GTPBP4: variants seen among roughly 807,000 people sequenced by gnomAD.
GTPBP4 encodes GTP-binding protein 4.
GTPBP4 carries 15 observed loss-of-function variants against 81.7 expected under a neutral mutation model. That is an observed-to-expected ratio of 0.18 (90% CI 0.12 to 0.28). The LOEUF is 0.28. Ranked by LOEUF, GTPBP4 falls within the 10% of genes least tolerant of loss-of-function variation. The pLI, the probability that GTPBP4 is intolerant of heterozygous loss-of-function variation, is 1.00. For missense variants in GTPBP4, 847 were observed against 793.8 expected, an observed-to-expected ratio of 1.07 and a Z score of -0.81; for synonymous variants, 272 against 274.6, an observed-to-expected ratio of 0.99 and a Z score of 0.09.
rs758822834 is a variant in GTPBP4 at position 988,478 on chromosome 10, G to A, written c.-2G>A. The A allele has an allele frequency of 7.4e-6, 12 of 1,612,798 alleles. No homozygotes were observed. The South Asian group carries it at 8.8e-5, about 12-fold the overall frequency. On this transcript the variant is annotated 5_prime_UTR_variant, in exon 1 of 17. Transcript: ENST00000360803. Reference sequence around the variant, plus strand: ...AGTACCCGCGTGCATACGGCTGCCGGCATGGCACATTACAACTTCAAGAAA... The same window carrying A: ...AGTACCCGCGTGCATACGGCTGCCGACATGGCACATTACAACTTCAAGAAA...
intron 1 of GTPBP4, among the ~76,000 whole-genome samples, chr10:990,536 CACGGTG>C (rs986547118): frequency 6.6e-6 from 1 of 151,768 alleles, no homozygotes; most frequent in African/African-American, 2.4e-5. Flanking sequence ...TCCTGGCTAA[CACGGTG>C]AAACCCCGTC....
chr10:1,003,228 C>T (rs1222543956), intron 8 of GTPBP4, among the ~76,000 whole-genome samples: 2 of 152,158 alleles, frequency 1.3e-5, no homozygotes, highest in Admixed American at 6.5e-5. Flanking sequence ...TCTTCAGCTA[C>T]AGGATTTCTG....
At chr10:1,010,543 C>T (rs368837683) in intron 13 of GTPBP4, 23 bp downstream of exon 13, 41 of 1,248,716 alleles carry the variant, frequency 3.3e-5, no homozygotes, top group African/African-American at 5.9e-5. Context: ...TTTTAAATTG[C>T]GGATTGTTTT....
intron 13 of GTPBP4, 30 bp downstream of exon 13, chr10:1,010,550 T>G: frequency 8.4e-7 from 1 of 1,185,564 alleles, no homozygotes; most frequent in Middle Eastern, 1.9e-4. Context: ...TTGCGGATTG[T>G]TTTCCTTTTT....
In GTPBP4 at chr10:989,114, CTTT is replaced by C. The variant is rs869154759; in HGVS notation, c.48+608_48+610del. On this transcript the variant is annotated intron_variant, in intron 1 of 16. Coordinates refer to ENST00000360803, the MANE Select transcript of GTPBP4 (RefSeq NM_012341.3). The stretch of plus-strand genomic sequence containing the variant: ...AGTCAACAAGTGTTGAGTATTAGGA[CTTT>C]TTTTTTTTTTTTTTTTTTTTGAGAC... Among the ~76,000 whole-genome samples the C allele has an allele frequency of 9.2e-3, 935 of 102,064 alleles. 14 individuals are homozygous for C. The highest frequency in any genetic ancestry group is 0.03 in the African/African-American group (765 of 25,496). The allele number at this position is 102,064 out of a possible 152,430, so 67.0% of individuals were successfully genotyped here.
In GTPBP4 at chr10:996,258, C is replaced by G. The variant is rs1160359741; in HGVS notation, c.460+16C>G. On this transcript the variant is annotated intron_variant, in intron 4 of 16. Transcript: ENST00000360803. ...TTGGAGCAAGGTGCTTGTCACGCAT[C>G]CGCGGGAACCGTGCTAGCATCCTGC... is the stretch of plus-strand genomic sequence containing the variant. 14 of 1,604,798 alleles carry G rather than the reference C, an allele frequency of 8.7e-6. No individual in the cohort carries two copies. Among genetic ancestry groups the G allele is most frequent in the Non-Finnish European group, 1.1e-5 (13 of 1,175,082 alleles).
chr10:991,626 T>A (rs1480655542), intron 1 of GTPBP4, among the ~76,000 whole-genome samples: 1 of 152,184 alleles, frequency 6.6e-6, no homozygotes, highest in Non-Finnish European at 1.5e-5. Flanking sequence ...TTATTTAAGT[T>A]TCAAAGGTTC....
At position 988,444 on chromosome 10, in the gene GTPBP4, G is replaced by C. The variant is rs1261694037; in HGVS notation, c.-36G>C. The C allele has an allele frequency of 9.4e-6, 15 of 1,597,740 alleles. No homozygotes were observed. The highest frequency in any genetic ancestry group is 1.2e-5 in the Non-Finnish European group (14 of 1,166,036). On this transcript the variant is annotated 5_prime_UTR_variant, in exon 1 of 17. Coordinates refer to ENST00000360803, the MANE Select transcript of GTPBP4 (RefSeq NM_012341.3). Reference sequence around the variant, plus strand: ...CCTGCGCCCGACGGCGGAAGTTCCGGGAGTGCCAAGTACCCGCGTGCATAC... The same window carrying C: ...CCTGCGCCCGACGGCGGAAGTTCCGCGAGTGCCAAGTACCCGCGTGCATAC...
At chr10:988,724 A>G in intron 1 of GTPBP4, 197 bp downstream of exon 1, 1 of 591,896 alleles carries the variant, frequency 1.7e-6, no homozygotes, top group Non-Finnish European at 3.0e-6. Context: ...CAGAGATCGG[A>G]TCCCCCAGAG....
chr10:989,521 G>A (rs1365368330), intron 1 of GTPBP4, among the ~76,000 whole-genome samples: 2 of 152,138 alleles, frequency 1.3e-5, no homozygotes, highest in African/African-American at 2.4e-5. Context: ...AGGGACTCCT[G>A]CACGAGAGGG....
Position 1,019,768 on chromosome 10 carries a change from C to A in GTPBP4, c.*2541C>A. On this transcript the variant is annotated 3_prime_UTR_variant, in exon 17 of 17. Coordinates refer to ENST00000360803, the MANE Select transcript of GTPBP4 (RefSeq NM_012341.3). ...AGAAGGTAACAAATTTCATGCTCTC[C>A]CCAAATTCTGTCTGATTTTGCCTTG... is the stretch of plus-strand genomic sequence containing the variant. The A allele has an allele frequency of 6.2e-7, 1 of 1,613,950 alleles. No individual in the cohort carries two copies. Among genetic ancestry groups the A allele is most frequent in the Non-Finnish European group, 8.5e-7 (1 of 1,179,966 alleles).
At position 1,019,534 on chromosome 10, in the gene GTPBP4, T is replaced by C; in HGVS notation, c.*2307T>C. On this transcript the variant is annotated 3_prime_UTR_variant, in exon 17 of 17. Transcript: ENST00000360803. ...CCTGCCTCTCACACTCTGTGTATTT[T>C]GTGAAGCTCCACAAACGGGGTCACG... 16 of 1,613,066 alleles carry C rather than the reference T, an allele frequency of 9.9e-6. No homozygotes were observed. The highest frequency in any genetic ancestry group is 1.4e-5 in the Non-Finnish European group (16 of 1,179,268).
At chr10:992,776 T>C (rs991963467) in intron 2 of GTPBP4, 117 bp downstream of exon 2, 18 of 622,564 alleles carry the variant, frequency 2.9e-5, no homozygotes, top group Non-Finnish European at 4.2e-5. Context: ...TGACTTAGGT[T>C]ACTCAGTAAG....
chr10:1,004,587 A>G (rs947514065), intron 8 of GTPBP4, among the ~76,000 whole-genome samples: 3 of 152,154 alleles, frequency 2.0e-5, no homozygotes, highest in Admixed American at 2.0e-4. Flanking sequence ...ATATGTGACC[A>G]TTCTGGGCAT....
chr10:997,666 A>G (rs948820516), intron 5 of GTPBP4, among the ~76,000 whole-genome samples: 1 of 152,184 alleles, frequency 6.6e-6, no homozygotes, highest in South Asian at 2.1e-4. Context: ...TTTGTTGACA[A>G]CTGGGGAGGT....
intron 10 of GTPBP4, 77 bp from the exon 11 acceptor site, chr10:1,008,881 G>T: frequency 9.3e-7 from 1 of 1,076,074 alleles, no homozygotes; most frequent in Non-Finnish European, 1.4e-6. Context: ...TAGGGAATTT[G>T]TTTCTACTTT....
In GTPBP4 at chr10:992,645, T is replaced by G; in HGVS notation, c.205T>G (p.Phe69Val). ...TAGACTTTCACAAATTCTAACAGAT[T>G]TCCCCAAATTGGATGTAAGTGACTT... is the stretch of plus-strand genomic sequence containing the variant. ...HDRLSQILTD[F>V]PKLDDIHPFY... The change falls in exon 2 of 17, where the codon TTC (phenylalanine) becomes GTC (valine). Residue 69 changes from phenylalanine to valine, a missense_variant. Phe to Val is a conservative substitution (Grantham distance 50). Transcript: ENST00000360803. 1 of 1,604,510 alleles carries G rather than the reference T, an allele frequency of 6.2e-7. No individual in the cohort carries two copies. The highest frequency in any genetic ancestry group is 1.3e-5 in the African/African-American group (1 of 74,810).
chr10:1,011,043 C>G lies in GTPBP4; in HGVS notation c.1344+523C>G, dbSNP rs57871620. 1.1e-3 allele frequency among the ~76,000 whole-genome samples: 72 copies of G among 66,366 alleles called. 1 individual carries two copies. Among genetic ancestry groups the G allele is most frequent in the South Asian group, 4.8e-3 (8 of 1,656 alleles). 43.5% of individuals were successfully genotyped at this position (66,366 alleles called of 152,430 possible). On this transcript the variant is annotated intron_variant, in intron 13 of 16. Coordinates refer to ENST00000360803, the MANE Select transcript of GTPBP4 (RefSeq NM_012341.3). ...TCCGCCAGGCCCTGGATGGGCTCTGCTGTGCTGGGCCCTTCATTCTCCTGC... is the reference window on the plus strand; with the variant it reads ...TCCGCCAGGCCCTGGATGGGCTCTGGTGTGCTGGGCCCTTCATTCTCCTGC...
At chr10:989,590 A>C (rs1015122485) in intron 1 of GTPBP4, among the ~76,000 whole-genome samples, 1 of 152,126 alleles carries the variant, frequency 6.6e-6, no homozygotes, top group African/African-American at 2.4e-5. Flanking sequence ...CCTTTTCTTC[A>C]GGTCTCAAGG....
Sources: allele counts gnomAD v4.1 joint callset (sites outside exome capture counted in the v4.1 genomes callset), GRCh38; gene constraint gnomAD v4.1.1; transcripts MANE v1.5; gene names NCBI Gene and HGNC (gene_info 2026-07-23, HGNC 2026-07-21).